The following DERA variants were observed in gnomAD, a reference collection of about 807,000 sequenced individuals.
The protein encoded by DERA is 2-deoxy-D-ribose 5-phosphate aldolase.
DERA carries 15 observed loss-of-function variants against 41.1 expected under a neutral mutation model. The observed-to-expected ratio is 0.37, with a 90% CI of 0.24 to 0.56. DERA has a LOEUF of 0.56. DERA is among the 20% of genes least tolerant of loss of function. DERA has a pLI of 0.81. For synonymous variants in DERA, 139 were observed against 137.4 expected (o/e 1.01, Z -0.08); for missense variants, 396 against 403.4 (o/e 0.98, Z 0.16).
At chr12:15,960,029 T>C (rs1948572344) in intron 4 of DERA, 105 bp downstream of exon 4, 1 of 767,672 alleles carries the variant, frequency 1.3e-6, no homozygotes, top group African/African-American at 1.7e-5. Flanking sequence ...AATTAGTTTA[T>C]GTATTTAATT....
At chr12:15,948,606 T>G (rs1448730565) in intron 1 of DERA, among the ~76,000 whole-genome samples, 1 of 152,150 alleles carries the variant, frequency 6.6e-6, no homozygotes, top group African/African-American at 2.4e-5. Context: ...CGTCTAATCT[T>G]TTTTTTGAAG....
rs1350618478 is a variant in DERA, at chr12:15,972,207, T to A, written c.508+9260T>A. The A allele has an allele frequency of 6.3e-6, 1 of 159,936 alleles. No homozygotes were observed. Among genetic ancestry groups the A allele is most frequent in the Non-Finnish European group, 1.4e-5 (1 of 71,630 alleles). 9.9% of individuals were successfully genotyped at this position (159,936 alleles called of 1,614,324 possible). On this transcript the variant is annotated intron_variant, in intron 5 of 8. Transcript: ENST00000428559. The surrounding 1 kb of genome is among the most constrained non-coding windows in gnomAD (Gnocchi z 4.4). ...GTTGTTGAGGTGTCCACATGATGAATGTAACCTATTCCATTTTTAAGATAG... is the reference window on the plus strand; with the variant it reads ...GTTGTTGAGGTGTCCACATGATGAAAGTAACCTATTCCATTTTTAAGATAG...
In DERA at chr12:15,946,954, T is replaced by A. The variant is rs148585913; in HGVS notation, c.32-9982T>A. The stretch of plus-strand genomic sequence containing the variant: ...TTGTTCTCATTGGTTTCAAAGAACA[T>A]CTTTATTTCTGCCTTCATTTCATTA... On this transcript the variant is annotated intron_variant, in intron 1 of 8. Transcript: ENST00000428559. Among the ~76,000 whole-genome samples, 536 of 152,324 alleles carry A rather than the reference T, an allele frequency of 3.5e-3. 3 individuals carry two copies. Among genetic ancestry groups the A allele is most frequent in the African/African-American group, 0.012 (511 of 41,566 alleles).
chr12:15,982,343 T>C lies in DERA; in HGVS notation c.544T>C (p.Cys182Arg). The change falls in exon 6 of 9, where the codon TGT (cysteine) becomes CGT (arginine). Residue 182 changes from cysteine to arginine, a missense_variant. By Grantham distance (180) the Cys-to-Arg change is radical. Coordinates refer to ENST00000428559, the MANE Select transcript of DERA (RefSeq NM_015954.4). The surrounding 1 kb of genome is among the most constrained non-coding windows in gnomAD (Gnocchi z 4.0). Reference sequence around the variant, plus strand: ...TGAGATTCGTCAGTTTCGCAAGGCCTGTGGGGAGGCTCATCTTAAAACTAT... The same window carrying C: ...TGAGATTCGTCAGTTTCGCAAGGCCCGTGGGGAGGCTCATCTTAAAACTAT... ...YDEIRQFRKA[C>R]GEAHLKTILA... 1.2e-6 allele frequency: 2 copies of C among 1,613,882 alleles called. No individual in the cohort carries two copies. Among genetic ancestry groups the C allele is most frequent in the South Asian group, 1.1e-5 (1 of 91,062 alleles).
Position 15,983,698 on chromosome 12 carries a change from A to T in DERA, c.637+1262A>T, listed in dbSNP as rs1356926725. Among the ~76,000 whole-genome samples, 2 of 152,146 alleles carry T rather than the reference A, an allele frequency of 1.3e-5. No individual in the cohort carries two copies. Among genetic ancestry groups the T allele is most frequent in the African/African-American group, 4.8e-5 (2 of 41,440 alleles). The stretch of plus-strand genomic sequence containing the variant: ...AAGATACCTGGTTTCTCTGGTCTTG[A>T]ATCTGGGCCAGCCATATTCTTGTGT... On this transcript the variant is annotated intron_variant, in intron 6 of 8. Coordinates refer to ENST00000428559, the MANE Select transcript of DERA (RefSeq NM_015954.4). This position sits in a 1 kb window ranked among gnomAD's most constrained non-coding sequence, Gnocchi z 6.2.
In DERA at chr12:15,957,153, A is replaced by G. The variant is rs145891923; in HGVS notation, c.129+120A>G. The G allele has an allele frequency of 4.1e-6, 3 of 731,632 alleles. No individual in the cohort carries two copies. The highest frequency in any genetic ancestry group is 1.7e-5 in the South Asian group (1 of 60,416). 45.3% of individuals were successfully genotyped at this position (731,632 alleles called of 1,614,324 possible). Reference sequence around the variant, plus strand: ...TAAACTTAAAAGATTGCAGCTGTCCATGACTTATTTTAATAATTCATATAT... The same window carrying G: ...TAAACTTAAAAGATTGCAGCTGTCCGTGACTTATTTTAATAATTCATATAT... On this transcript the variant is annotated intron_variant, in intron 2 of 8. Transcript: ENST00000428559. This position sits in a 1 kb window ranked among gnomAD's most constrained non-coding sequence, Gnocchi z 4.8.
At chr12:16,002,772 G>A (rs1052349166) in intron 6 of DERA, among the ~76,000 whole-genome samples, 1 of 152,098 alleles carries the variant, frequency 6.6e-6, no homozygotes, top group African/African-American at 2.4e-5. Context: ...CAGTAGTGCT[G>A]TTCTCTTCTC....
chr12:15,959,999 T>A lies in DERA; in HGVS notation c.373+75T>A. 2 of 1,106,026 alleles carry A rather than the reference T, an allele frequency of 1.8e-6. No individual in the cohort carries two copies. Among genetic ancestry groups the A allele is most frequent in the South Asian group, 1.5e-5 (1 of 67,780 alleles). 68.5% of individuals were successfully genotyped at this position (1,106,026 alleles called of 1,614,324 possible). A position where few individuals can be genotyped will look rare whatever the true frequency, so the allele number is the denominator to read the frequency against. On this transcript the variant is annotated intron_variant, in intron 4 of 8. Transcript: ENST00000428559. The surrounding 1 kb of genome is among the most constrained non-coding windows in gnomAD (Gnocchi z 4.5). The stretch of plus-strand genomic sequence containing the variant: ...TCTTCATACAATGGGGTATTATATG[T>A]AGGTTTGTACTATGATTTAAATTAG...
intron 1 of DERA, among the ~76,000 whole-genome samples, chr12:15,953,226 T>C (rs1465367812): frequency 6.6e-6 from 1 of 152,220 alleles, no homozygotes; most frequent in African/African-American, 2.4e-5. Context: ...CTTGACTTTT[T>C]ATCCAGCCAG....
rs1410103486 is a variant in DERA, at chr12:16,009,086, A to G, written c.638-23456A>G. Among the ~76,000 whole-genome samples, 5 of 152,178 alleles carry G rather than the reference A, an allele frequency of 3.3e-5. No homozygotes were observed. The highest frequency in any genetic ancestry group is 7.4e-5 in the Non-Finnish European group (5 of 68,018). The stretch of plus-strand genomic sequence containing the variant: ...TGGTAACAGGAGTATCTGCTTTTTA[A>G]GGTATTGTGAAGATCAAATTAGGGA... On this transcript the variant is annotated intron_variant, in intron 6 of 8. Transcript: ENST00000428559. The surrounding 1 kb of genome is among the most constrained non-coding windows in gnomAD (Gnocchi z 5.3).
Position 15,928,579 on chromosome 12 carries a change from C to T in DERA, c.31+17165C>T, listed in dbSNP as rs1439240364. ...GAGCCAGCTGATGGCAAGGACAGCC[C>T]TTATGAAGTAGGGGAGATTTTGCCT... On this transcript the variant is annotated intron_variant, in intron 1 of 8. Coordinates refer to ENST00000428559, the MANE Select transcript of DERA (RefSeq NM_015954.4). This position sits in a 1 kb window ranked among gnomAD's most constrained non-coding sequence, Gnocchi z 4.6. 2.0e-5 allele frequency among the ~76,000 whole-genome samples: 3 copies of T among 152,180 alleles called. No individual in the cohort carries two copies. Among genetic ancestry groups the T allele is most frequent in the Non-Finnish European group, 4.4e-5 (3 of 68,028 alleles).
chr12:15,930,736 TC>T (rs1948321433), intron 1 of DERA, among the ~76,000 whole-genome samples: 1 of 152,152 alleles, frequency 6.6e-6, no homozygotes, highest in South Asian at 2.1e-4. Flanking sequence ...CTCACAAACT[TC>T]AGGAAATGAA....
chr12:15,934,692 T>C (rs1408391688), intron 1 of DERA, among the ~76,000 whole-genome samples: 2 of 152,192 alleles, frequency 1.3e-5, no homozygotes. Flanking sequence ...GCCTCTTTCT[T>C]CGACTTCTTG....
At chr12:15,963,018 T>TG in intron 5 of DERA, 71 bp downstream of exon 5, 1 of 1,538,478 alleles carries the variant, frequency 6.5e-7, no homozygotes, top group Non-Finnish European at 8.8e-7. Flanking sequence ...AGGTAAGATG[T>TG]GGTATGTTTT....
At chr12:15,962,181 C>T (rs1469585800) in intron 4 of DERA, among the ~76,000 whole-genome samples, 3 of 152,148 alleles carry the variant, frequency 2.0e-5, no homozygotes, top group East Asian at 3.9e-4. Flanking sequence ...CTCTTATTTA[C>T]ACTTGGCTCT....
chr12:15,968,092 T>TG (rs1565599527), intron 5 of DERA, among the ~76,000 whole-genome samples: 1 of 151,804 alleles, frequency 6.6e-6, no homozygotes, highest in Non-Finnish European at 1.5e-5. Context: ...TCTTCTTTTT[T>TG]TTTTTTTTGA....
At position 15,959,117 on chromosome 12, in the gene DERA, C is replaced by T. The variant is rs990675372; in HGVS notation, c.278-712C>T. ...GCAGGTCTTTTATCCCAAATAAACA[C>T]GTTTAGGTTTGTAGGTAACATACAA... is the stretch of plus-strand genomic sequence containing the variant. On this transcript the variant is annotated intron_variant, in intron 3 of 8. Transcript: ENST00000428559. The surrounding 1 kb of genome is among the most constrained non-coding windows in gnomAD (Gnocchi z 4.5). Among the ~76,000 whole-genome samples, 5 of 151,934 alleles carry T rather than the reference C, an allele frequency of 3.3e-5. No homozygotes were observed. The highest frequency in any genetic ancestry group is 1.3e-4 in the Admixed American group (2 of 15,260).
At chr12:15,974,071 A>G (rs1948681692) in intron 5 of DERA, among the ~76,000 whole-genome samples, 2 of 152,274 alleles carry the variant, frequency 1.3e-5, no homozygotes, top group Middle Eastern at 6.8e-3. Context: ...GTACATACAT[A>G]TATAAATTAT....
chr12:15,951,678 A>G (rs1246890307), intron 1 of DERA, among the ~76,000 whole-genome samples: 3 of 152,200 alleles, frequency 2.0e-5, no homozygotes, highest in Non-Finnish European at 4.4e-5. Flanking sequence ...TAACGTGAGA[A>G]AGTAGGAATA....
Sources: gnomAD v4.1 joint callset for allele counts (sites outside exome capture counted in the v4.1 genomes callset) on GRCh38, gnomAD v4.1.1 for gene constraint, Gnocchi (gnomAD v3.1) non-coding constraint, MANE v1.5 for transcripts, NCBI Gene and HGNC (gene_info 2026-07-23, HGNC 2026-07-21) for gene names.